FRMPD4: variants seen among roughly 807,000 people sequenced by gnomAD.
FRMPD4 encodes the protein FERM and PDZ domain containing 4, also known as FERM and PDZ domain-containing protein 4.
Under a neutral mutation model 94.1 loss-of-function variants are expected in FRMPD4, and 22 were observed. The observed-to-expected ratio is 0.23, with a 90% CI of 0.17 to 0.33. The LOEUF (loss-of-function observed/expected upper bound fraction) is 0.33. Among genes scored for constraint, FRMPD4 ranks in the 10% least tolerant of loss-of-function variants. FRMPD4 has a pLI of 1.00. For missense variants in FRMPD4, 1,111 were observed against 1,339.9 expected (o/e 0.83, Z 2.67); for synonymous variants, 631 against 548.6 (o/e 1.15, Z -2.10).
chrX:11,905,955 T>C (rs2053964754), intron 3 of FRMPD4, among the ~76,000 whole-genome samples: 1 of 110,464 alleles, frequency 9.1e-6, no homozygotes, highest in Non-Finnish European at 1.9e-5. Context: ...TCAAGTATAA[T>C]TCTATTACAG....
intron 1 of FRMPD4, among the ~76,000 whole-genome samples, chrX:12,365,278 G>A (rs1353204850): frequency 8.9e-6 from 1 of 111,791 alleles, no homozygotes; most frequent in South Asian, 3.8e-4. Context: ...TCAGAGACTT[G>A]CACCTCCCTT....
chrX:12,258,584 C>T (rs1225030411), intron 1 of FRMPD4, among the ~76,000 whole-genome samples: 1 of 111,466 alleles, frequency 9.0e-6, no homozygotes, highest in Non-Finnish European at 1.9e-5. Flanking sequence ...ACTAAGACAA[C>T]GCCACTATTT....
chrX:12,258,465 G>A (rs150109602), intron 1 of FRMPD4, among the ~76,000 whole-genome samples: 123 of 110,849 alleles, frequency 1.1e-3, no homozygotes, highest in Non-Finnish European at 2.0e-3. Context: ...CTCACCAAAT[G>A]TGGCCCCCTC....
chrX:12,220,710 T>C (rs748961832), intron 1 of FRMPD4, among the ~76,000 whole-genome samples: 1 of 112,251 alleles, frequency 8.9e-6, no homozygotes, highest in African/African-American at 3.2e-5. Context: ...TACTAAATTA[T>C]AACCTAGAAT....
chrX:12,059,495 G>A (rs1192307480), intron 3 of FRMPD4, among the ~76,000 whole-genome samples: 1 of 110,575 alleles, frequency 9.0e-6, no homozygotes, highest in Non-Finnish European at 1.9e-5. Context: ...GATTCAGGTG[G>A]TACATGTGTA....
chrX:12,545,682 T>C (rs1483493952), intron 2 of FRMPD4, among the ~76,000 whole-genome samples: 3 of 112,976 alleles, frequency 2.7e-5, no homozygotes, highest in Admixed American at 1.9e-4. Flanking sequence ...CAGCTTCCCA[T>C]ATTTTGGCTT....
At chrX:12,311,215 C>T (rs2147907592) in intron 1 of FRMPD4, among the ~76,000 whole-genome samples, 1 of 112,020 alleles carries the variant, frequency 8.9e-6, no homozygotes, top group South Asian at 3.8e-4. Flanking sequence ...GGGTGTGACA[C>T]ATTTCCAGGG....
At chrX:12,490,481 C>A (rs772395672) in intron 1 of FRMPD4, among the ~76,000 whole-genome samples, 1 of 112,051 alleles carries the variant, frequency 8.9e-6, no homozygotes, top group Non-Finnish European at 1.9e-5. Context: ...CTGATGCATT[C>A]CAAGCACCTA....
At chrX:12,200,861 AG>A (rs1264086434) in intron 1 of FRMPD4, among the ~76,000 whole-genome samples, 1 of 112,747 alleles carries the variant, frequency 8.9e-6, no homozygotes, top group Non-Finnish European at 1.9e-5. Flanking sequence ...GAACATATTT[AG>A]GGATCAGGAA....
intron 2 of FRMPD4, among the ~76,000 whole-genome samples, chrX:12,564,706 G>A (rs1325808925): frequency 9.0e-6 from 1 of 111,529 alleles, no homozygotes; most frequent in Non-Finnish European, 1.9e-5. Flanking sequence ...TAAATTGTAG[G>A]AGTCATTCTC....
At chrX:12,335,918 T>C (rs920669829) in intron 1 of FRMPD4, among the ~76,000 whole-genome samples, 15 of 112,335 alleles carry the variant, frequency 1.3e-4, no homozygotes, top group Admixed American at 9.4e-5. Context: ...TACTTATGAC[T>C]CTAATTTGCA....
chrX:11,867,670 T>A (rs967379058), intron 2 of FRMPD4, among the ~76,000 whole-genome samples: 1 of 111,961 alleles, frequency 8.9e-6, no homozygotes, highest in Non-Finnish European at 1.9e-5. Flanking sequence ...TGCACCCCAA[T>A]GGGTCATTTT....
intron 2 of FRMPD4, among the ~76,000 whole-genome samples, chrX:12,551,557 G>A (rs1305542189): frequency 9.1e-6 from 1 of 110,324 alleles, no homozygotes; most frequent in Non-Finnish European, 1.9e-5. Flanking sequence ...AATCTCTTTT[G>A]ATTTCTGGAA....
chrX:12,204,398 G>A (rs2056666583), intron 1 of FRMPD4, among the ~76,000 whole-genome samples: 1 of 111,951 alleles, frequency 8.9e-6, no homozygotes. Context: ...AGGTACCCTT[G>A]GATACTGTTG....
intron 4 of FRMPD4, among the ~76,000 whole-genome samples, chrX:12,633,905 A>C: frequency 8.9e-6 from 1 of 112,703 alleles, no homozygotes; most frequent in Middle Eastern, 4.6e-3. Context: ...CAGTTTAAAA[A>C]CCACTTGATA....
intron 3 of FRMPD4, among the ~76,000 whole-genome samples, chrX:11,886,734 CTTT>C (rs11328004): frequency 1.9e-5 from 2 of 106,867 alleles, no homozygotes; most frequent in African/African-American, 6.8e-5. Context: ...GTAATCGTGA[CTTT>C]TTTTTTTAAC....
intron 3 of FRMPD4, among the ~76,000 whole-genome samples, chrX:11,942,295 G>A (rs1210847113): frequency 1.0e-5 from 1 of 98,463 alleles, no homozygotes; most frequent in Non-Finnish European, 2.0e-5. Flanking sequence ...GGCTAGTCTC[G>A]AACTCCTGTG....
intron 2 of FRMPD4, among the ~76,000 whole-genome samples, chrX:12,558,056 T>C (rs2058615174): frequency 8.9e-6 from 1 of 112,719 alleles, no homozygotes; most frequent in Non-Finnish European, 1.9e-5. Flanking sequence ...GCAGTAGGTC[T>C]GAAGGATTCC....
chrX:11,998,290 AT>A (rs1569139688), intron 3 of FRMPD4, among the ~76,000 whole-genome samples: 1 of 111,916 alleles, frequency 8.9e-6, no homozygotes, highest in Non-Finnish European at 1.9e-5. Flanking sequence ...CATGTGGCTC[AT>A]TGATCTATAT....
Sources: allele counts gnomAD v4.1 joint callset (sites outside exome capture counted in the v4.1 genomes callset), GRCh38; gene constraint gnomAD v4.1.1; transcripts MANE v1.5; gene names NCBI Gene and HGNC (gene_info 2026-07-23, HGNC 2026-07-21).